The following SBK1 variants were observed in gnomAD, a reference collection of about 807,000 sequenced individuals.
SBK1 encodes the protein serine/threonine-protein kinase SBK1.
A neutral mutation model predicts 24.4 loss-of-function variants in SBK1; 11 were observed. The observed-to-expected ratio is 0.45, with a 90% confidence interval of 0.28 to 0.75. The LOEUF is 0.75. Among genes scored for constraint, SBK1 ranks in the 30% least tolerant of loss-of-function variants. The probability of loss-of-function intolerance (pLI) is 0.12; values close to 1 mark genes in which losing one functional copy is unlikely to be tolerated. For missense variants in SBK1, 467 were observed against 620.5 expected, an observed-to-expected ratio of 0.75 and a Z score of 2.63; for synonymous variants, 308 against 284.4, an observed-to-expected ratio of 1.08 and a Z score of -0.83.
chr16:28,298,204 C>T (rs1596548277), intron 1 of SBK1, among the ~76,000 whole-genome samples: 1 of 152,240 alleles, frequency 6.6e-6, no homozygotes, highest in Non-Finnish European at 1.5e-5. Context: ...CCCCAGCCAC[C>T]CTCCCATCGC....
intron 1 of SBK1, among the ~76,000 whole-genome samples, chr16:28,271,049 G>A (rs1044696641): frequency 6.6e-6 from 1 of 151,414 alleles, no homozygotes; most frequent in Non-Finnish European, 1.5e-5. Flanking sequence ...ACTTTTAGTA[G>A]AGACGGGGTT....
chr16:28,294,929 C>T (rs151136841), intron 1 of SBK1, among the ~76,000 whole-genome samples: 14 of 152,350 alleles, frequency 9.2e-5, no homozygotes, highest in African/African-American at 2.4e-4. Flanking sequence ...TGGGCAAGCA[C>T]GTGGCCCTTC....
intron 1 of SBK1, among the ~76,000 whole-genome samples, chr16:28,299,407 G>A (rs966701363): frequency 2.6e-5 from 4 of 152,158 alleles, no homozygotes; most frequent in Non-Finnish European, 4.4e-5. Flanking sequence ...TCAAGATTCC[G>A]TAGCTGGGAT....
chr16:28,296,376 A>C (rs890770296), intron 1 of SBK1, among the ~76,000 whole-genome samples: 1 of 151,954 alleles, frequency 6.6e-6, no homozygotes, highest in East Asian at 1.9e-4. Context: ...TACAAGTGTA[A>C]GCCACCACAC....
chr16:28,313,338 C>T (rs757408953), intron 1 of SBK1, among the ~76,000 whole-genome samples: 3 of 150,148 alleles, frequency 2.0e-5, no homozygotes, highest in South Asian at 4.2e-4. Flanking sequence ...AGGCTGGGTG[C>T]GGTGGTTCAC....
intron 1 of SBK1, among the ~76,000 whole-genome samples, chr16:28,271,907 C>T (rs2044467792): frequency 6.6e-6 from 1 of 152,164 alleles, no homozygotes; most frequent in Admixed American, 6.6e-5. Context: ...AGAGAAGCCA[C>T]AGAATGGCAG....
chr16:28,318,958 G>A, intron 2 of SBK1, 37 bp from the exon 3 acceptor site: 3 of 1,538,334 alleles, frequency 2.0e-6, no homozygotes, highest in Non-Finnish European at 2.7e-6. Context: ...GGCACTGGGA[G>A]AGGGGGCTTC....
At chr16:28,284,026 A>G (rs993062390) in intron 1 of SBK1, among the ~76,000 whole-genome samples, 2 of 152,208 alleles carry the variant, frequency 1.3e-5, no homozygotes, top group South Asian at 4.1e-4. Flanking sequence ...AACCCTGAGC[A>G]GCGTGTTGTA....
chr16:28,261,898 C>G (rs891861237), intron 1 of SBK1, among the ~76,000 whole-genome samples: 2 of 152,160 alleles, frequency 1.3e-5, no homozygotes, highest in South Asian at 2.1e-4. Flanking sequence ...TCTGGGGACT[C>G]TCTGTAGGGG....
At chr16:28,316,027 A>G (rs542845525) in intron 1 of SBK1, among the ~76,000 whole-genome samples, 14 of 152,252 alleles carry the variant, frequency 9.2e-5, no homozygotes, top group East Asian at 1.9e-4. Flanking sequence ...AGCCTCCCAA[A>G]GTGCTGGGAT....
intron 1 of SBK1, among the ~76,000 whole-genome samples, chr16:28,275,046 G>T (rs1013858734): frequency 2.0e-5 from 3 of 152,176 alleles, no homozygotes; most frequent in Non-Finnish European, 4.4e-5. Flanking sequence ...GGGAAAAGGG[G>T]CCGGGCGTGG....
chr16:28,301,752 C>T (rs1005975639), intron 1 of SBK1, among the ~76,000 whole-genome samples: 1 of 152,176 alleles, frequency 6.6e-6, no homozygotes, highest in African/African-American at 2.4e-5. Flanking sequence ...AGGTCCAGGC[C>T]CCTCTGACCA....
At chr16:28,280,149 A>ATATATATATGTGTGTG (rs1230385223) in intron 1 of SBK1, among the ~76,000 whole-genome samples, 12 of 39,396 alleles carry the variant, frequency 3.0e-4, no homozygotes, top group African/African-American at 6.6e-4. Context: ...ATATATATAT[A>ATATATATATGTGTGTG]TGTGTGTGTG....
intron 1 of SBK1, among the ~76,000 whole-genome samples, chr16:28,306,790 G>A (rs1457355360): frequency 6.6e-6 from 1 of 152,168 alleles, no homozygotes; most frequent in African/African-American, 2.4e-5. Context: ...ACAAACGCTG[G>A]GTGAATAATT....
At chr16:28,292,019 G>C (rs2044602087), upstream of SBK1, 1 of 152,142 alleles carries the variant, frequency 6.6e-6, no homozygotes, top group Non-Finnish European at 1.5e-5. Context: ...GGATGGAAGC[G>C]CAGGCAGGCA....
At chr16:28,301,207 C>G (rs544807254) in intron 1 of SBK1, among the ~76,000 whole-genome samples, 7 of 152,358 alleles carry the variant, frequency 4.6e-5, no homozygotes, top group African/African-American at 1.4e-4. Flanking sequence ...ATCCCACACC[C>G]CTGGGGGCTG....
At position 28,321,978 on chromosome 16, in the gene SBK1, A is replaced by C. The variant is rs1046657254; in HGVS notation, c.*1057A>C. The C allele has an allele frequency of 1.3e-5, 2 of 152,416 alleles. No homozygotes were observed. Among genetic ancestry groups the C allele is most frequent in the Non-Finnish European group, 2.9e-5 (2 of 68,122 alleles). The allele number at this position is 152,416 out of a possible 1,614,324, so 9.4% of individuals were successfully genotyped here. ...ATTTCTCCTGGGTTTCTTGGGGTCA[A>C]ACATGCCAACCTCCAAGACCCCATC... On this transcript the variant is annotated 3_prime_UTR_variant, in exon 4 of 4. Transcript: ENST00000341901.
rs964071177 is a variant in SBK1, at chr16:28,262,912, C to G, written c.257+3410C>G. ...TGGTGATGGAGGAGACTCTGCTCCA[C>G]GTGATCTTTCAGGGATCCAGGCTCC... On this transcript the variant is annotated intron_variant, in intron 1 of 3. Coordinates refer to the SBK1 transcript ENST00000671413. Among the ~76,000 whole-genome samples, 3 of 152,060 alleles carry G rather than the reference C, an allele frequency of 2.0e-5. No homozygotes were observed. The East Asian group carries it at 5.8e-4, about 29-fold the overall frequency.
intron 1 of SBK1, among the ~76,000 whole-genome samples, chr16:28,267,950 C>A (rs1424249304): frequency 6.6e-6 from 1 of 152,074 alleles, no homozygotes. Context: ...GAGTTCAAGA[C>A]CAGCCTGAGC....
Sources: gnomAD v4.1 joint callset for allele counts (sites outside exome capture counted in the v4.1 genomes callset) on GRCh38, gnomAD v4.1.1 for gene constraint, MANE v1.5 for transcripts, NCBI Gene and HGNC (gene_info 2026-07-23, HGNC 2026-07-21) for gene names.